The following CAB39L variants were observed in gnomAD, a reference collection of about 807,000 sequenced individuals.
The protein encoded by CAB39L is calcium-binding protein 39-like.
Under a neutral mutation model 39.1 loss-of-function variants are expected in CAB39L, and 23 were observed. That is an observed-to-expected ratio of 0.59 (90% CI 0.42 to 0.83). The LOEUF (loss-of-function observed/expected upper bound fraction) is 0.83. CAB39L is among the 40% of genes least tolerant of loss of function. The probability of loss-of-function intolerance (pLI) is 0.00; values close to 1 mark genes in which losing one functional copy is unlikely to be tolerated. For missense variants in CAB39L, 366 were observed against 391.9 expected (o/e 0.93, Z 0.56); for synonymous variants, 126 against 137.2 (o/e 0.92, Z 0.57).
intron 3 of CAB39L, among the ~76,000 whole-genome samples, chr13:49,406,333 A>ATTTTTTTTTTT (rs34078174): frequency 8.7e-3 from 781 of 90,286 alleles, no homozygotes; most frequent in Middle Eastern, 0.02. Flanking sequence ...ATGCCCAGCT[A>ATTTTTTTTTTT]TTTTTTTTTT....
chr13:49,323,487 C>T (rs1006703332), intron 10 of CAB39L, among the ~76,000 whole-genome samples: 3 of 152,206 alleles, frequency 2.0e-5, no homozygotes, highest in African/African-American at 4.8e-5. Flanking sequence ...TCAGCTCCAT[C>T]GGAAGGTCTG....
chr13:49,402,522 C>T (rs926638026), intron 3 of CAB39L, among the ~76,000 whole-genome samples: 1 of 152,168 alleles, frequency 6.6e-6, no homozygotes, highest in African/African-American at 2.4e-5. Flanking sequence ...AGTCAAAAGT[C>T]TTGGGCCCTT....
At chr13:49,375,890 GAC>G (rs1446996545) in intron 5 of CAB39L, among the ~76,000 whole-genome samples, 2 of 152,034 alleles carry the variant, frequency 1.3e-5, no homozygotes, top group Non-Finnish European at 2.9e-5. Context: ...GAAAGAAAAA[GAC>G]AGCTGTAACT....
chr13:49,417,703 G>GA (rs1419556298), intron 3 of CAB39L, among the ~76,000 whole-genome samples: 3 of 104,642 alleles, frequency 2.9e-5, no homozygotes, highest in Non-Finnish European at 6.4e-5. Flanking sequence ...ATTCTATCAG[G>GA]GGAAGACTGA....
At chr13:49,405,769 C>CGG in intron 3 of CAB39L, among the ~76,000 whole-genome samples, 1 of 45,270 alleles carries the variant, frequency 2.2e-5, no homozygotes, top group South Asian at 6.3e-4. Context: ...GACGGAGGGA[C>CGG]AGAGGGAGGG....
chr13:49,398,347 T>C (rs1385522751), intron 3 of CAB39L, among the ~76,000 whole-genome samples: 3 of 152,250 alleles, frequency 2.0e-5, no homozygotes, highest in Middle Eastern at 3.4e-3. Flanking sequence ...AATATAGTTT[T>C]AATAGATTTT....
At chr13:49,388,592 A>G (rs892972966) in intron 3 of CAB39L, among the ~76,000 whole-genome samples, 1 of 152,218 alleles carries the variant, frequency 6.6e-6, no homozygotes, top group Non-Finnish European at 1.5e-5. Context: ...TTTACTAAAA[A>G]TGGAACAAAA....
intron 5 of CAB39L, among the ~76,000 whole-genome samples, chr13:49,373,388 A>T (rs1325619339): frequency 6.6e-6 from 1 of 152,192 alleles, no homozygotes; most frequent in African/African-American, 2.4e-5. Flanking sequence ...CTCTGTAAGG[A>T]ATGTGCCATT....
intron 3 of CAB39L, among the ~76,000 whole-genome samples, chr13:49,418,449 A>G (rs1957119693): frequency 6.6e-6 from 1 of 152,220 alleles, no homozygotes; most frequent in Non-Finnish European, 1.5e-5. Context: ...GTTCTAAAAT[A>G]ATTGTGAGGA....
intron 3 of CAB39L, among the ~76,000 whole-genome samples, chr13:49,433,057 T>C (rs1316186068): frequency 6.6e-6 from 1 of 152,202 alleles, no homozygotes; most frequent in Non-Finnish European, 1.5e-5. Context: ...TCCCTTATTT[T>C]CTTAATGGGC....
chr13:49,336,227 A>G (rs930938802), intron 9 of CAB39L, among the ~76,000 whole-genome samples: 4 of 151,986 alleles, frequency 2.6e-5, no homozygotes, highest in African/African-American at 9.7e-5. Context: ...GAACAGAGTG[A>G]TGCAAAACCA....
chr13:49,429,933 T>G (rs1957294748), intron 3 of CAB39L, among the ~76,000 whole-genome samples: 1 of 152,226 alleles, frequency 6.6e-6, no homozygotes, highest in Non-Finnish European at 1.5e-5. Flanking sequence ...CTTTGTTATT[T>G]GGTTCAAATA....
chr13:49,405,996 T>C (rs1029613411), intron 3 of CAB39L, among the ~76,000 whole-genome samples: 1 of 152,000 alleles, frequency 6.6e-6, no homozygotes. Flanking sequence ...AGGAGAATGA[T>C]GGTGGCAGGA....
intron 3 of CAB39L, among the ~76,000 whole-genome samples, chr13:49,420,791 C>T (rs533195139): frequency 2.4e-4 from 37 of 152,074 alleles, no homozygotes; most frequent in African/African-American, 8.0e-4. Flanking sequence ...GTTGGAATTA[C>T]GAGAATTTGA....
chr13:49,360,331 C>T (rs1192104019), intron 5 of CAB39L, among the ~76,000 whole-genome samples: 1 of 151,092 alleles, frequency 6.6e-6, no homozygotes, highest in Non-Finnish European at 1.5e-5. Context: ...GTTCTTCACC[C>T]TAGTGCCTTG....
In CAB39L at chr13:49,428,329, C is replaced by T. The variant is rs1957272471; in HGVS notation, c.-32+4989G>A. On this transcript the variant is annotated intron_variant, in intron 3 of 10. Coordinates refer to ENST00000409308, the MANE Select transcript of CAB39L (RefSeq NM_001079670.3). ...CTTTGGTTCTTTGCTGTTTGGGCCT[C>T]TCCATAGGGATGCTCACTTGACTAG... is the stretch of plus-strand genomic sequence containing the variant. Among the ~76,000 whole-genome samples, 3 of 152,186 alleles carry T rather than the reference C, an allele frequency of 2.0e-5. No homozygotes were observed. The South Asian group carries it at 6.2e-4, about 32-fold the overall frequency.
At chr13:49,426,936 A>T (rs533266364) in intron 3 of CAB39L, among the ~76,000 whole-genome samples, 15 of 152,306 alleles carry the variant, frequency 9.8e-5, no homozygotes, top group African/African-American at 3.1e-4. Flanking sequence ...CCTTTCACTT[A>T]GAAGAAGCCA....
Position 49,359,749 on chromosome 13 carries a change from A to G in CAB39L, c.360T>C (p.Ser120=), listed in dbSNP as rs144679330. ...GTRSPTVEYI[S]AHPHILFMLL... ...GCATAAACAGGATATGAGGATGAGC[A>G]CTAATATACTCCACAGTAGGACTCC... Residue 120 remains serine, a synonymous_variant, in exon 6 of 11, where the codon AGT becomes AGC. Transcript: ENST00000409308. 1.2e-4 allele frequency: 197 copies of G among 1,609,856 alleles called. No homozygotes were observed. Among genetic ancestry groups the G allele is most frequent in the Non-Finnish European group, 1.6e-4 (193 of 1,176,364 alleles).
chr13:49,411,558 AT>A (rs1452196052), intron 3 of CAB39L, among the ~76,000 whole-genome samples: 1 of 152,016 alleles, frequency 6.6e-6, no homozygotes, highest in Non-Finnish European at 1.5e-5. Flanking sequence ...CACCAAGATA[AT>A]TTTTTAAATG....
Sources: gnomAD v4.1 joint callset for allele counts (sites outside exome capture counted in the v4.1 genomes callset) on GRCh38, gnomAD v4.1.1 for gene constraint, MANE v1.5 for transcripts, NCBI Gene and HGNC (gene_info 2026-07-23, HGNC 2026-07-21) for gene names.